PIGQ: variants seen among roughly 807,000 people sequenced by gnomAD.
PIGQ encodes phosphatidylinositol N-acetylglucosaminyltransferase subunit Q.
Under a neutral mutation model 60.3 loss-of-function variants are expected in PIGQ, and 54 were observed. The observed-to-expected ratio is 0.90, with a 90% CI of 0.72 to 1.12. The LOEUF is 1.12. Ranked by LOEUF, PIGQ falls within the 50% of genes most tolerant of loss-of-function variation. The pLI is 0.00. For missense variants in PIGQ, 799 were observed against 793.5 expected, an observed-to-expected ratio of 1.01 and a Z score of -0.08; for synonymous variants, 416 against 363.7, an observed-to-expected ratio of 1.14 and a Z score of -1.64.
At chr16:580,315 C>G (rs772185213) in intron 8 of PIGQ, 52 bp downstream of exon 8, 1 of 1,374,714 alleles carries the variant, frequency 7.3e-7, no homozygotes, top group East Asian at 2.3e-5. Context: ...TGTGTGGCTT[C>G]TGCCAGCGCT....
intron 1 of PIGQ, among the ~76,000 whole-genome samples, chr16:571,038 C>T (rs919254232): frequency 7.0e-5 from 6 of 85,212 alleles, no homozygotes; most frequent in African/African-American, 1.3e-4. Context: ...GCCTGGCGCC[C>T]GTGTGTGTGT....
chr16:578,906 C>G lies in PIGQ; in HGVS notation c.1191C>G (p.Phe397Leu). The change falls in exon 6 of 11, where the codon TTC becomes TTG. Residue 397 changes from phenylalanine to leucine, a missense_variant. Transcript: ENST00000321878. ...LLSDIIALLT[F>L]HIYCFYVYGA... is the part of the protein sequence containing the mutation. ...CGGACATTATCGCCCTCCTCACCTT[C>G]CACATCTACTGCTTTTACGTCTATG... 6.2e-7 allele frequency: 1 copy of G among 1,613,438 alleles called. No individual in the cohort carries two copies.
chr16:579,374 G>A, intron 7 of PIGQ, 194 bp downstream of exon 7: 1 of 600,890 alleles, frequency 1.7e-6, no homozygotes, highest in South Asian at 1.9e-5. Context: ...GAGCTTCCCT[G>A]GGCCACAGAG....
At chr16:578,699 C>A in intron 5 of PIGQ, 86 bp from the exon 6 acceptor site, 2 of 1,511,506 alleles carry the variant, frequency 1.3e-6, no homozygotes, top group Non-Finnish European at 1.8e-6. Context: ...AGGCTACACG[C>A]ACCTCATGTC....
rs1480016395 is a variant in PIGQ, at chr16:583,413, TG to T, written c.*383del. The T allele has an allele frequency of 4.3e-6, 7 of 1,612,598 alleles. No homozygotes were observed. Among genetic ancestry groups the T allele is most frequent in the Admixed American group, 1.7e-5 (1 of 59,996 alleles). ...GCCCCAGGTGGAGGGCTGGTCTCCC[TG>T]GGGGCTCCCCAGTGGCTCTGCCCTG... On this transcript the variant is annotated 3_prime_UTR_variant, in exon 11 of 11. Transcript: ENST00000321878.
rs764650784 is a variant in PIGQ at position 574,554 on chromosome 16, G to T, written c.480G>T (p.Gly160=). ...RQAGATTAST[G]GLAAVFDTVA... ...CTGGAGCCACCACTGCCAGCACGGG[G>T]GGCCTGGCTGCCGTCTTCGACACGG... is the stretch of plus-strand genomic sequence containing the variant. Residue 160 remains glycine (G), a synonymous_variant, in exon 2 of 11, where the codon GGG becomes GGT. Coordinates refer to ENST00000321878, the MANE Select transcript of PIGQ (RefSeq NM_004204.5). 1.9e-5 allele frequency: 30 copies of T among 1,604,226 alleles called. No individual in the cohort carries two copies. The South Asian group carries it at 3.0e-4, about 16-fold the overall frequency.
rs4006743 is a variant in PIGQ at position 571,571 on chromosome 16, CGTGTGT to C, written c.-10+1495_-10+1500del. Among the ~76,000 whole-genome samples the C allele has an allele frequency of 2.3e-4, 20 of 87,344 alleles. 1 individual carries two copies. Among genetic ancestry groups the C allele is most frequent in the East Asian group, 1.4e-3 (4 of 2,926 alleles). The allele number at this position is 87,344 out of a possible 152,430, so 57.3% of individuals were successfully genotyped here. On this transcript the variant is annotated intron_variant, in intron 1 of 10. Transcript: ENST00000321878. Reference sequence around the variant, plus strand: ...GTGTGTGTCTGGCTAGCCTGGTGCCCGTGTGTGTGTGTGTGTGTGTGTGTGGCTAGC... The same window carrying C: ...GTGTGTGTCTGGCTAGCCTGGTGCCCGTGTGTGTGTGTGTGTGTGGCTAGC...
In PIGQ at chr16:574,078, G is replaced by A; in HGVS notation, c.4G>A (p.Val2Met). 6.3e-7 allele frequency: 1 copy of A among 1,596,456 alleles called. No homozygotes were observed. The highest frequency in any genetic ancestry group is 8.5e-7 in the Non-Finnish European group (1 of 1,171,562). The change falls in exon 2 of 11, where the codon GTG becomes ATG. Residue 2 changes from valine (V) to methionine (M), a missense_variant. Coordinates refer to ENST00000321878, the MANE Select transcript of PIGQ (RefSeq NM_004204.5). Reference protein sequence around the residue: MVLKAFFPTCCV... With the variant: MMLKAFFPTCCV... The stretch of plus-strand genomic sequence containing the variant: ...TCTTCTCTTCCAGCCTCCCGGCATG[G>A]TGCTCAAGGCCTTCTTCCCCACGTG...
chr16:571,518 GTGTCT>G (rs2035627481), intron 1 of PIGQ, among the ~76,000 whole-genome samples: 1 of 126,472 alleles, frequency 7.9e-6, no homozygotes, highest in Non-Finnish European at 1.6e-5. Context: ...GTGTGTGTGT[GTGTCT>G]GGCTAGCCTG....
chr16:576,453 A>G (rs1413887999), intron 4 of PIGQ, 199 bp downstream of exon 4: 2 of 647,698 alleles, frequency 3.1e-6, no homozygotes, highest in African/African-American at 1.8e-5. Flanking sequence ...CCTCGCAGGT[A>G]CACCCCCCTT....
intron 1 of PIGQ, 89 bp from the exon 2 acceptor site, chr16:573,977 C>A: frequency 1.1e-6 from 1 of 900,216 alleles, no homozygotes; most frequent in Non-Finnish European, 1.7e-6. Flanking sequence ...CCTGTGGCTG[C>A]ACCTGTCAGG....
chr16:579,042 CG>C (rs763274357), intron 6 of PIGQ, 26 bp from the exon 7 acceptor site: 10 of 1,585,922 alleles, frequency 6.3e-6, no homozygotes, highest in African/African-American at 1.4e-5. Context: ...GGGGCGGGGC[CG>C]GGCCCGACAG....
At chr16:578,029 T>A (rs1285310055) in intron 4 of PIGQ, 1 of 232,152 alleles carries the variant, frequency 4.3e-6, no homozygotes, top group Non-Finnish European at 8.6e-6. Flanking sequence ...CTGCCAGGCC[T>A]CAGTGCGTCC....
In PIGQ at chr16:579,164, C is replaced by T; in HGVS notation, c.1319C>T (p.Ser440Phe). ...CTGCGCCAGCGCGTGGACTCCTGTT[C>T]CTATGACCTGGACCAGGTATGGGGC... The part of the protein sequence containing the change: ...NVLRQRVDSC[S>F]YDLDQLFIGT... Residue 440 changes from serine (S) to phenylalanine (F), a missense_variant, in exon 7 of 11, where the codon TCC becomes TTC. Physicochemically the swap from Ser to Phe is radical, Grantham distance 155 (BLOSUM62 -2). Coordinates refer to ENST00000321878, the MANE Select transcript of PIGQ (RefSeq NM_004204.5). 3.7e-6 allele frequency: 6 copies of T among 1,612,608 alleles called. No individual in the cohort carries two copies. Among genetic ancestry groups the T allele is most frequent in the African/African-American group, 1.3e-5 (1 of 75,034 alleles).
chr16:580,855 C>T lies in PIGQ; in HGVS notation c.1417-3C>T, dbSNP rs199992680. On this transcript the variant is annotated splice_region_variant and splice_polypyrimidine_tract_variant and intron_variant, in intron 8 of 10. Coordinates refer to ENST00000321878, the MANE Select transcript of PIGQ (RefSeq NM_004204.5). ...GCCGGTCCTAAATGCTCCTCTGCCACAGCTCCGGCTCCTGGTGGTCGCCGT... is the reference window on the plus strand; with the variant it reads ...GCCGGTCCTAAATGCTCCTCTGCCATAGCTCCGGCTCCTGGTGGTCGCCGT... 7.3e-5 allele frequency: 101 copies of T among 1,379,784 alleles called. No homozygotes were observed. Among genetic ancestry groups the T allele is most frequent in the Non-Finnish European group, 1.0e-4 (99 of 974,768 alleles). The allele number at this position is 1,379,784 out of a possible 1,614,324, so 85.5% of individuals were successfully genotyped here. A position where few individuals can be genotyped will look rare whatever the true frequency, so the allele number is the denominator to read the frequency against.
intron 1 of PIGQ, chr16:572,445 G>T (rs2151043160): frequency 6.7e-6 from 3 of 447,574 alleles, no homozygotes; most frequent in South Asian, 4.7e-5. Flanking sequence ...TGCACCAGGG[G>T]CCTCTTAAGC....
chr16:570,838 G>A (rs1049212737), intron 1 of PIGQ: 1 of 152,332 alleles, frequency 6.6e-6, no homozygotes. Flanking sequence ...GCAGGGAGGG[G>A]CGGCTCAGCC....
At position 583,790 on chromosome 16, in the gene PIGQ, C is replaced by A; in HGVS notation, c.*755C>A. 1.2e-6 allele frequency: 1 copy of A among 832,076 alleles called. No homozygotes were observed. Among genetic ancestry groups the A allele is most frequent in the Non-Finnish European group, 2.0e-6 (1 of 503,104 alleles). 51.5% of individuals were successfully genotyped at this position (832,076 alleles called of 1,614,324 possible). A position where few individuals can be genotyped will look rare whatever the true frequency, so the allele number is the denominator to read the frequency against. ...GCCAAATCTGTCTCCCTTCATGGGC[C>A]TCCCAGGGAAGGAGGAAGCCCTGCT... On this transcript the variant is annotated 3_prime_UTR_variant, in exon 11 of 11. Coordinates refer to ENST00000321878, the MANE Select transcript of PIGQ (RefSeq NM_004204.5).
At chr16:580,379 G>A (rs964156343) in intron 8 of PIGQ, 116 bp downstream of exon 8, 3 of 778,702 alleles carry the variant, frequency 3.9e-6, no homozygotes, top group African/African-American at 1.7e-5. Context: ...GGCCACGTGG[G>A]TGGCCTTTCA....
Sources: allele counts gnomAD v4.1 joint callset (sites outside exome capture counted in the v4.1 genomes callset), GRCh38; gene constraint gnomAD v4.1.1; transcripts MANE v1.5; gene names NCBI Gene and HGNC (gene_info 2026-07-23, HGNC 2026-07-21).